The following ERC2 variants were observed in gnomAD, a reference collection of about 807,000 sequenced individuals.
ERC2 encodes ELKS/RAB6-interacting/CAST family member 2.
Under a neutral mutation model 114.8 loss-of-function variants are expected in ERC2, and 42 were observed. The observed-to-expected ratio is 0.37, with a 90% CI of 0.29 to 0.47. ERC2 has a LOEUF of 0.47. Among genes scored for constraint, ERC2 ranks in the 20% least tolerant of loss-of-function variants. ERC2 has a pLI of 0.99. For synonymous variants in ERC2, 454 were observed against 425.5 expected (o/e 1.07, Z -0.82); for missense variants, 939 against 1,150.7 (o/e 0.82, Z 2.66).
intron 14 of ERC2, among the ~76,000 whole-genome samples, chr3:55,883,062 G>C (rs2063186708): frequency 6.6e-6 from 1 of 152,126 alleles, no homozygotes; most frequent in Non-Finnish European, 1.5e-5. Flanking sequence ...AGCTCAACAA[G>C]GTCAAGTTTG....
intron 2 of ERC2, among the ~76,000 whole-genome samples, chr3:56,305,512 CCACACACACACACACACACACACACA>C (rs58751787): frequency 6.9e-6 from 1 of 144,338 alleles, no homozygotes; most frequent in Non-Finnish European, 1.5e-5. Context: ...ACTCTCTTAT[CCACACACACACACACACACACACACA>C]CACACACACA....
intron 17 of ERC2, among the ~76,000 whole-genome samples, chr3:55,524,164 T>C (rs946001010): frequency 6.6e-6 from 1 of 152,176 alleles, no homozygotes; most frequent in Non-Finnish European, 1.5e-5. Context: ...AAGTAGTCCT[T>C]ATTATCTCCC....
At chr3:56,305,632 C>G (rs2056175049) in intron 2 of ERC2, among the ~76,000 whole-genome samples, 1 of 151,978 alleles carries the variant, frequency 6.6e-6, no homozygotes, top group Non-Finnish European at 1.5e-5. Context: ...AATAAGAACT[C>G]CTAACACAGC....
intron 17 of ERC2, among the ~76,000 whole-genome samples, chr3:55,671,318 TA>T (rs879535562): frequency 7.9e-5 from 12 of 152,194 alleles, no homozygotes; most frequent in South Asian, 2.1e-4. Context: ...ATTTCTTCAA[TA>T]AAAAAATCTA....
chr3:55,888,393 T>C lies in ERC2; in HGVS notation c.2560A>G (p.Met854Val), dbSNP rs751885281. 3 of 1,613,822 alleles carry C rather than the reference T, an allele frequency of 1.9e-6. No individual in the cohort carries two copies. Among genetic ancestry groups the C allele is most frequent in the East Asian group, 2.2e-5 (1 of 44,878 alleles). ...RRKQLEEILEMKQEALLAAIS... is the reference protein window; with the variant it reads ...RRKQLEEILEVKQEALLAAIS... ...AAAGCAGCAATGGGTACTCACTTCATCTCCAGGATCTCCTCCAGCTGTTTC... is the reference window on the plus strand; with the variant it reads ...AAAGCAGCAATGGGTACTCACTTCACCTCCAGGATCTCCTCCAGCTGTTTC... The change falls in exon 14 of 18, where the codon ATG becomes GTG. Residue 854 changes from methionine to valine, a missense_variant. Physicochemically the swap from Met to Val is conservative, Grantham distance 21. This residue lies in a region of ERC2 where 328 missense variants were observed against 353.9 expected (regional missense o/e 0.93). Transcript: ENST00000288221.
chr3:56,455,861 G>A (rs2063038502), intron 1 of ERC2, among the ~76,000 whole-genome samples: 2 of 152,134 alleles, frequency 1.3e-5, no homozygotes, highest in Non-Finnish European at 2.9e-5. Flanking sequence ...ACCACAAGAG[G>A]TATTAGAAAG....
At chr3:56,374,314 G>A (rs924925315) in intron 2 of ERC2, among the ~76,000 whole-genome samples, 1 of 152,086 alleles carries the variant, frequency 6.6e-6, no homozygotes, top group Admixed American at 6.6e-5. Context: ...AGCCAGGATG[G>A]TCTCGATCTC....
At chr3:56,114,644 C>A (rs1366014407) in intron 6 of ERC2, among the ~76,000 whole-genome samples, 1 of 152,188 alleles carries the variant, frequency 6.6e-6, no homozygotes. Flanking sequence ...TAGGGCAACA[C>A]AAGACACCCT....
At chr3:55,696,035 A>G (rs149218194) in intron 16 of ERC2, among the ~76,000 whole-genome samples, 240 of 152,308 alleles carry the variant, frequency 1.6e-3, no homozygotes, top group Non-Finnish European at 2.7e-3. Flanking sequence ...TCATGGGACT[A>G]ATGTTCTAAA....
intron 7 of ERC2, among the ~76,000 whole-genome samples, chr3:56,028,994 T>C (rs1288590596): frequency 6.6e-6 from 1 of 152,052 alleles, no homozygotes; most frequent in African/African-American, 2.4e-5. Context: ...CCTAACTTAC[T>C]AAGAGTTTTT....
chr3:55,825,573 T>C (rs537073315), intron 14 of ERC2, among the ~76,000 whole-genome samples: 2 of 152,342 alleles, frequency 1.3e-5, no homozygotes, highest in East Asian at 3.9e-4. Context: ...TAATTTTTAT[T>C]TGAGATAATA....
At chr3:55,765,529 G>A (rs2067715972) in intron 14 of ERC2, among the ~76,000 whole-genome samples, 1 of 152,186 alleles carries the variant, frequency 6.6e-6, no homozygotes, top group Admixed American at 6.5e-5. Flanking sequence ...CTATTGTTAT[G>A]GCTTTCTGCC....
intron 14 of ERC2, among the ~76,000 whole-genome samples, chr3:55,864,020 T>A (rs1575909650): frequency 6.6e-6 from 1 of 150,570 alleles, no homozygotes; most frequent in East Asian, 2.0e-4. Context: ...TATAGCAGGA[T>A]GATATGTAGC....
At chr3:56,162,268 T>C (rs2082087379) in intron 4 of ERC2, among the ~76,000 whole-genome samples, 1 of 152,152 alleles carries the variant, frequency 6.6e-6, no homozygotes, top group Non-Finnish European at 1.5e-5. Context: ...TTTGATGTTG[T>C]TGAATTTGGC....
At chr3:55,661,547 C>A (rs981318065) in intron 17 of ERC2, among the ~76,000 whole-genome samples, 1 of 152,172 alleles carries the variant, frequency 6.6e-6, no homozygotes, top group African/African-American at 2.4e-5. Context: ...TCTTTCTCGA[C>A]TTTTAAGGGC....
At chr3:55,895,495 C>G (rs1056784170) in intron 13 of ERC2, among the ~76,000 whole-genome samples, 12 of 152,274 alleles carry the variant, frequency 7.9e-5, no homozygotes, top group African/African-American at 2.9e-4. Flanking sequence ...TGGAAGGCAC[C>G]AGCACATGCC....
chr3:56,428,558 A>AGGGAGGGAGGGAGGGAGGGAGG (rs1553627245), intron 2 of ERC2, among the ~76,000 whole-genome samples: 1 of 64,258 alleles, frequency 1.6e-5, no homozygotes, highest in Non-Finnish European at 3.1e-5. Flanking sequence ...GAAGGAAGGG[A>AGGGAGGGAGGGAGGGAGGGAGG]GGGAGGGAGG....
intron 14 of ERC2, among the ~76,000 whole-genome samples, chr3:55,745,197 G>A (rs1305621976): frequency 6.6e-6 from 1 of 152,174 alleles, no homozygotes; most frequent in Non-Finnish European, 1.5e-5. Flanking sequence ...GACCACAGAA[G>A]AGTTGCATCC....
At chr3:56,225,332 T>C (rs1033706771) in intron 3 of ERC2, among the ~76,000 whole-genome samples, 7 of 152,174 alleles carry the variant, frequency 4.6e-5, no homozygotes, top group African/African-American at 2.4e-5. Context: ...TTGGACATAA[T>C]AGTTCTCACA....
Sources: gnomAD v4.1 joint callset for allele counts (sites outside exome capture counted in the v4.1 genomes callset) on GRCh38, gnomAD v4.1.1 for gene constraint, gnomAD v4.1.1 regional missense constraint, MANE v1.5 for transcripts, NCBI Gene and HGNC (gene_info 2026-07-23, HGNC 2026-07-21) for gene names.